XKR4: variants seen among roughly 807,000 people sequenced by gnomAD.
XKR4 encodes the protein XK related 4.
XKR4 carries 12 observed loss-of-function variants against 53.9 expected under a neutral mutation model. That is an observed-to-expected ratio of 0.22 (90% CI 0.14 to 0.36). The LOEUF (loss-of-function observed/expected upper bound fraction) is 0.36. Among genes scored for constraint, XKR4 ranks in the 10% least tolerant of loss-of-function variants. The pLI, the probability that XKR4 is intolerant of heterozygous loss-of-function variation, is 1.00. For synonymous variants in XKR4, 354 were observed against 362.4 expected (o/e 0.98, Z 0.26); for missense variants, 799 against 859.5 (o/e 0.93, Z 0.88).
chr8:55,126,525 C>CA (rs1816471190), intron 1 of XKR4, among the ~76,000 whole-genome samples: 1 of 152,042 alleles, frequency 6.6e-6, no homozygotes, highest in Non-Finnish European at 1.5e-5. Context: ...GGAGTGGATG[C>CA]AAAAAATACA....
intron 1 of XKR4, among the ~76,000 whole-genome samples, chr8:55,115,809 T>C (rs563198883): frequency 1.3e-5 from 2 of 152,102 alleles, no homozygotes; most frequent in Non-Finnish European, 2.9e-5. Context: ...TATTTTATGG[T>C]TTTATGTTGC....
intron 2 of XKR4, among the ~76,000 whole-genome samples, chr8:55,512,358 T>C (rs1440606303): frequency 6.6e-6 from 1 of 152,128 alleles, no homozygotes; most frequent in Admixed American, 6.6e-5. Flanking sequence ...TCCCTTTGTC[T>C]GGGATATCAT....
In XKR4 at chr8:55,438,942, C is replaced by T. The variant is rs138799471; in HGVS notation, c.1006+81065C>T. Among the ~76,000 whole-genome samples, 556 of 152,046 alleles carry T rather than the reference C, an allele frequency of 3.7e-3. 5 individuals carry two copies. Among genetic ancestry groups the T allele is most frequent in the Non-Finnish European group, 5.4e-3 (368 of 67,992 alleles). ...TAATGAGCCCAAGTAATGCAGGAGA[C>T]CAATCTGAAATACCCACATAAAGCC... On this transcript the variant is annotated intron_variant, in intron 2 of 2. Coordinates refer to ENST00000327381, the MANE Select transcript of XKR4 (RefSeq NM_052898.2).
chr8:55,136,108 G>A (rs1048008881), intron 1 of XKR4, among the ~76,000 whole-genome samples: 41 of 152,182 alleles, frequency 2.7e-4, no homozygotes, highest in African/African-American at 9.2e-4. Context: ...TGGCCAGGCT[G>A]GCCTCAATCT....
At chr8:55,311,733 G>A (rs1819391450) in intron 1 of XKR4, among the ~76,000 whole-genome samples, 1 of 148,582 alleles carries the variant, frequency 6.7e-6, no homozygotes, top group Non-Finnish European at 1.5e-5. Flanking sequence ...TTGAAGTTGG[G>A]TAGATTTAAA....
At chr8:55,179,737 T>A (rs1174151473) in intron 1 of XKR4, among the ~76,000 whole-genome samples, 1 of 152,188 alleles carries the variant, frequency 6.6e-6, no homozygotes, top group Non-Finnish European at 1.5e-5. Flanking sequence ...AGTGCAGCAA[T>A]AGTACAGAAT....
intron 1 of XKR4, among the ~76,000 whole-genome samples, chr8:55,248,392 T>G (rs1293178437): frequency 1.3e-5 from 2 of 152,276 alleles, no homozygotes; most frequent in Admixed American, 6.5e-5. Context: ...AAGCATGTAA[T>G]TGCCTCTACC....
chr8:55,140,135 C>T, intron 1 of XKR4: 2 of 425,236 alleles, frequency 4.7e-6, no homozygotes, highest in East Asian at 7.7e-5. Context: ...GAAAATTCTC[C>T]CTCAGTTATT....
intron 1 of XKR4, among the ~76,000 whole-genome samples, chr8:55,260,567 G>A (rs1430398852): frequency 6.6e-6 from 1 of 152,172 alleles, no homozygotes; most frequent in East Asian, 1.9e-4. Flanking sequence ...AAGAAAAAAA[G>A]AGAATAGCTC....
chr8:55,534,582 A>G lies in XKR4; in HGVS notation c.*10355A>G, dbSNP rs180954435. The stretch of plus-strand genomic sequence containing the variant: ...AGTAGAGATGGGGTTTCACCGTGTT[A>G]GCCAGAATGGTCTCGATCTCCTGAC... On this transcript the variant is annotated 3_prime_UTR_variant, in exon 3 of 3. Transcript: ENST00000327381. 506 of 151,242 alleles carry G rather than the reference A, an allele frequency of 3.3e-3. 3 individuals are homozygous for G. Among genetic ancestry groups the G allele is most frequent in the Non-Finnish European group, 3.7e-3 (251 of 67,944 alleles). 9.4% of individuals were successfully genotyped at this position (151,242 alleles called of 1,614,324 possible). A position where few individuals can be genotyped will look rare whatever the true frequency, so the allele number is the denominator to read the frequency against.
At chr8:55,495,853 G>T (rs1048809933) in intron 2 of XKR4, among the ~76,000 whole-genome samples, 1 of 152,228 alleles carries the variant, frequency 6.6e-6, no homozygotes, top group African/African-American at 2.4e-5. Flanking sequence ...GCAGCTGGTG[G>T]CCACTCCAGA....
At chr8:55,386,195 C>T (rs1481250846) in intron 2 of XKR4, among the ~76,000 whole-genome samples, 1 of 152,142 alleles carries the variant, frequency 6.6e-6, no homozygotes, top group Admixed American at 6.5e-5. Context: ...TTCACATCCT[C>T]GGGGAGCCCT....
intron 2 of XKR4, chr8:55,449,823 C>T: frequency 8.6e-7 from 1 of 1,169,458 alleles, no homozygotes; most frequent in Non-Finnish European, 1.3e-6. Context: ...TACAGAGTGC[C>T]CTCGTAGGAC....
rs908728197 is a variant in XKR4, at chr8:55,528,737, G to A, written c.*4510G>A. The stretch of plus-strand genomic sequence containing the variant: ...ATTTCAGTGACAGATGCAGATCAAC[G>A]TTCCTTTGTCTCGGCAATCCAATGT... On this transcript the variant is annotated 3_prime_UTR_variant, in exon 3 of 3. Transcript: ENST00000327381. 6.6e-6 allele frequency: 1 copy of A among 152,218 alleles called. No individual in the cohort carries two copies. The highest frequency in any genetic ancestry group is 2.4e-5 in the African/African-American group (1 of 41,522). 9.4% of individuals were successfully genotyped at this position (152,218 alleles called of 1,614,324 possible). A position where few individuals can be genotyped will look rare whatever the true frequency, so the allele number is the denominator to read the frequency against.
intron 1 of XKR4, among the ~76,000 whole-genome samples, chr8:55,345,715 G>A (rs927045117): frequency 2.6e-5 from 4 of 152,194 alleles, no homozygotes; most frequent in Non-Finnish European, 4.4e-5. Context: ...GACATTACAT[G>A]CACACTCATT....
At chr8:55,498,553 G>A (rs1806391559) in intron 2 of XKR4, among the ~76,000 whole-genome samples, 1 of 152,184 alleles carries the variant, frequency 6.6e-6, no homozygotes, top group Non-Finnish European at 1.5e-5. Context: ...GCCGAGGTGG[G>A]AGGATCACTT....
intron 1 of XKR4, among the ~76,000 whole-genome samples, chr8:55,331,026 A>T (rs1222031021): frequency 6.6e-6 from 1 of 152,146 alleles, no homozygotes; most frequent in African/African-American, 2.4e-5. Context: ...CAGTGCTATT[A>T]AGTATATTCA....
At chr8:55,447,607 A>G (rs921411970) in intron 2 of XKR4, among the ~76,000 whole-genome samples, 5 of 152,238 alleles carry the variant, frequency 3.3e-5, no homozygotes, top group African/African-American at 7.2e-5. Flanking sequence ...GTGGAGTACC[A>G]TGAAATGATA....
intron 1 of XKR4, among the ~76,000 whole-genome samples, chr8:55,223,213 G>A (rs1027731017): frequency 2.0e-5 from 3 of 152,160 alleles, no homozygotes; most frequent in East Asian, 1.9e-4. Context: ...ATTATAGCCC[G>A]GGTCTGATGT....
Sources: allele counts gnomAD v4.1 joint callset (sites outside exome capture counted in the v4.1 genomes callset), GRCh38; gene constraint gnomAD v4.1.1; transcripts MANE v1.5; gene names NCBI Gene and HGNC (gene_info 2026-07-23, HGNC 2026-07-21).